The following GSTT4 variants were observed in gnomAD, a reference collection of about 807,000 sequenced individuals.
The protein encoded by GSTT4 is glutathione S-transferase theta-4.
chr22:24,004,879 C>T (rs2034317119), intron 1 of GSTT4: 1 of 152,898 alleles, frequency 6.5e-6, no homozygotes, highest in Non-Finnish European at 1.5e-5. Flanking sequence ...CTCAGAAACG[C>T]CCCTATCAGG....
At chr22:23,990,753 A>G in the GSTT4 span, among the ~76,000 whole-genome samples, 3 of 100,184 alleles carry the variant, frequency 3.0e-5, 1 homozygote, top group East Asian at 2.6e-4. Context: ...TTCCAAGCAC[A>G]TGGGGTGAAG....
At chr22:23,995,014 G>A (rs1163757388), downstream of GSTT4, among the ~76,000 whole-genome samples, 1 of 152,204 alleles carries the variant, frequency 6.6e-6, no homozygotes, top group Non-Finnish European at 1.5e-5. Context: ...TCCAATGAGG[G>A]AGAGGATTTG....
chr22:24,003,084 G>A (rs2034270389), intron 2 of GSTT4, among the ~76,000 whole-genome samples: 1 of 152,212 alleles, frequency 6.6e-6, no homozygotes, highest in African/African-American at 2.4e-5. Flanking sequence ...ATCCTCCCGT[G>A]TCAGCCTCTG....
chr22:23,990,479 G>A, the GSTT4 span, among the ~76,000 whole-genome samples: 4 of 43,996 alleles, frequency 9.1e-5, 1 homozygote, highest in African/African-American at 5.5e-4. Context: ...AAAAGTAGCT[G>A]GGCACGGGGA....
chr22:23,997,901 C>T (rs917105065), downstream of GSTT4, among the ~76,000 whole-genome samples: 52 of 152,114 alleles, frequency 3.4e-4, no homozygotes, highest in Admixed American at 3.4e-3. Flanking sequence ...TTTTGATGTC[C>T]CTTGTGATTT....
Position 24,003,269 on chromosome 22 carries a change from C to T in GSTT4, c.200+491G>A, listed in dbSNP as rs144366443. On this transcript the variant is annotated intron_variant, in intron 2 of 4. Coordinates refer to ENST00000621179, the MANE Select transcript of GSTT4 (RefSeq NM_001358664.2). Reference sequence around the variant, plus strand: ...CTCTGTTGCCCACGCTGAAGTGCAACGACGCAGTCTTGGCTCACTGCATCC... The same window carrying T: ...CTCTGTTGCCCACGCTGAAGTGCAATGACGCAGTCTTGGCTCACTGCATCC... Among the ~76,000 whole-genome samples, 17 of 48,446 alleles carry T rather than the reference C, an allele frequency of 3.5e-4. No homozygotes were observed. In the East Asian group the frequency reaches 4.1e-3, roughly 12 times the overall value. 31.8% of individuals were successfully genotyped at this position (48,446 alleles called of 152,430 possible).
intron 4 of GSTT4, among the ~76,000 whole-genome samples, 155 bp downstream of exon 4, chr22:23,999,920 T>G (rs2146227505): frequency 6.6e-6 from 1 of 152,344 alleles, no homozygotes; most frequent in East Asian, 1.9e-4. Flanking sequence ...TTGCCCCGAT[T>G]GAGTCCAGGC....
the GSTT4 span, among the ~76,000 whole-genome samples, chr22:23,990,622 T>TAATTAATA: frequency 1.5e-5 from 1 of 66,492 alleles, no homozygotes; most frequent in East Asian, 2.8e-4. Context: ...TGAGACACTG[T>TAATTAATA]AATAAATAAA....
chr22:23,991,152 T>G, the GSTT4 span, among the ~76,000 whole-genome samples: 360 of 79,528 alleles, frequency 4.5e-3, 71 homozygotes, highest in East Asian at 0.033. Context: ...CACTCCAGCC[T>G]GAGTGACAGA....
chr22:23,994,924 G>C (rs530828227), downstream of GSTT4, among the ~76,000 whole-genome samples: 18 of 152,208 alleles, frequency 1.2e-4, no homozygotes, highest in Non-Finnish European at 2.1e-4. Context: ...CTACTCATCA[G>C]GGTGGTTGTG....
the GSTT4 span, among the ~76,000 whole-genome samples, chr22:23,992,033 A>G: frequency 2.1e-5 from 3 of 140,448 alleles, no homozygotes; most frequent in East Asian, 4.3e-4. Context: ...AGCCTGGGCG[A>G]CAGAGCCATA....
At chr22:23,990,738 G>C in the GSTT4 span, among the ~76,000 whole-genome samples, 5 of 96,442 alleles carry the variant, frequency 5.2e-5, no homozygotes, top group Admixed American at 1.2e-4. Context: ...GAGGCAGTTT[G>C]TTTTTTCCAA....
downstream of GSTT4, among the ~76,000 whole-genome samples, chr22:23,993,855 A>G (rs918639479): frequency 2.9e-5 from 3 of 103,358 alleles, no homozygotes; most frequent in Non-Finnish European, 6.6e-5. Flanking sequence ...AAGTAGGCAT[A>G]TCATGTTCTG....
downstream of GSTT4, among the ~76,000 whole-genome samples, chr22:23,997,314 T>G (rs1013571084): frequency 3.3e-5 from 5 of 152,026 alleles, no homozygotes; most frequent in Non-Finnish European, 4.4e-5. Context: ...ACTCTTGGAC[T>G]CGAGTGATCC....
At chr22:24,003,698 TTG>T (rs2034287834) in intron 2 of GSTT4, 60 bp downstream of exon 2, 1 of 155,092 alleles carries the variant, frequency 6.4e-6, no homozygotes, top group Non-Finnish European at 1.5e-5. Flanking sequence ...AGACAAATGC[TTG>T]CACTGAACCT....
chr22:23,997,755 AG>A (rs1388660459), downstream of GSTT4, among the ~76,000 whole-genome samples: 1 of 152,024 alleles, frequency 6.6e-6, no homozygotes, highest in African/African-American at 2.4e-5. Flanking sequence ...TAAGGTGTAA[AG>A]TTAGGTTATT....
chr22:23,995,980 G>A (rs1569036662), downstream of GSTT4, among the ~76,000 whole-genome samples: 1 of 145,282 alleles, frequency 6.9e-6, no homozygotes, highest in Admixed American at 6.9e-5. Context: ...GTCTCAGTCA[G>A]TCACCCAGGC....
the GSTT4 span, among the ~76,000 whole-genome samples, chr22:23,993,206 C>T: frequency 6.6e-6 from 1 of 152,214 alleles, no homozygotes; most frequent in Non-Finnish European, 1.5e-5. Context: ...TAGTTGAGGT[C>T]TTCTTGTTGT....
intron 2 of GSTT4, among the ~76,000 whole-genome samples, chr22:24,002,409 G>A (rs2034251598): frequency 6.6e-6 from 1 of 152,268 alleles, no homozygotes; most frequent in African/African-American, 2.4e-5. Flanking sequence ...TGGCTGGTGT[G>A]GGAACCTCCG....
Sources: gnomAD v4.1 joint callset for allele counts (sites outside exome capture counted in the v4.1 genomes callset) on GRCh38, gnomAD v4.1.1 for gene constraint, MANE v1.5 for transcripts, NCBI Gene and HGNC (gene_info 2026-07-23, HGNC 2026-07-21) for gene names.